SMYD3: variants seen among roughly 807,000 people sequenced by gnomAD.
SMYD3 encodes SET and MYND domain containing 3.
Under a neutral mutation model 57.7 loss-of-function variants are expected in SMYD3, and 36 were observed. The ratio of observed to expected loss-of-function variants is 0.62; its 90% CI spans 0.48 to 0.82. SMYD3 has a LOEUF of 0.82. Ranked by LOEUF, SMYD3 falls within the 40% of genes least tolerant of loss-of-function variation. SMYD3 has a pLI of 0.00. For synonymous variants in SMYD3, 211 were observed against 195.0 expected (o/e 1.08, Z -0.68); for missense variants, 515 against 538.8 (o/e 0.96, Z 0.44).
chr1:246,335,468 CT>C lies in SMYD3; in HGVS notation c.234del (p.Ala79LeufsTer58). 1 of 1,614,020 alleles carries C rather than the reference CT, an allele frequency of 6.2e-7. No homozygotes were observed. The highest frequency in any genetic ancestry group is 1.1e-5 in the South Asian group (1 of 91,066). ...CATTCCCGCTTGTGGTCTGGCCAAG[CT>C]TTTTTCTATTAAAACAAGAGTGGGG... Reference protein sequence around the residue: ...AKYCSAKCQKKAWPDHKRECK... With the variant: ...AKYCSAKCQKXAWPDHKRECK... On this transcript the variant is annotated frameshift_variant, in exon 3 of 12. Coordinates refer to ENST00000490107, the MANE Select transcript of SMYD3 (RefSeq NM_001167740.2). LOFTEE classifies it high-confidence loss of function.
intron 8 of SMYD3, among the ~76,000 whole-genome samples, chr1:245,879,974 GTGCGTTGCTGT>G (rs2052689448): frequency 6.9e-6 from 1 of 144,270 alleles, no homozygotes; most frequent in African/African-American, 2.6e-5. Context: ...GATAGCACAG[GTGCGTTGCTGT>G]ACACACCAGA....
intron 5 of SMYD3, among the ~76,000 whole-genome samples, chr1:246,109,179 C>A (rs958101451): frequency 6.9e-6 from 1 of 144,070 alleles, no homozygotes; most frequent in Non-Finnish European, 1.5e-5. Flanking sequence ...GATGAATGAA[C>A]CACTCTAAAA....
intron 10 of SMYD3, among the ~76,000 whole-genome samples, chr1:245,806,883 A>C (rs531978748): frequency 3.0e-5 from 4 of 135,352 alleles, no homozygotes; most frequent in Admixed American, 8.3e-5. Context: ...GCAGTCCGCA[A>C]TCCGGCCTGG....
intron 7 of SMYD3, among the ~76,000 whole-genome samples, chr1:245,924,766 G>C (rs913058819): frequency 2.7e-5 from 4 of 149,610 alleles, no homozygotes; most frequent in Non-Finnish European, 4.4e-5. Context: ...GGGTTTAAGC[G>C]ATTCTCCTGC....
intron 5 of SMYD3, among the ~76,000 whole-genome samples, chr1:246,139,761 T>G (rs2061722489): frequency 6.6e-6 from 1 of 152,240 alleles, no homozygotes; most frequent in Non-Finnish European, 1.5e-5. Flanking sequence ...AATTTTGTTT[T>G]GTTCAAGCTA....
chr1:246,417,433 G>C (rs77749019), intron 1 of SMYD3: 4,349 of 152,232 alleles, frequency 0.029, 102 homozygotes, highest in Non-Finnish European at 0.043. Context: ...TGGAGCCCAG[G>C]GTTTTTAAGG....
intron 5 of SMYD3, among the ~76,000 whole-genome samples, chr1:246,230,001 GCAGGTGGACC>G (rs1395625778): frequency 6.6e-6 from 1 of 152,140 alleles, no homozygotes; most frequent in Non-Finnish European, 1.5e-5. Flanking sequence ...CAAGTGTTAA[GCAGGTGGACC>G]CCAAAAGTGA....
chr1:246,408,663 CTTTTTTTT>C (rs5782392), intron 1 of SMYD3, among the ~76,000 whole-genome samples: 2 of 65,520 alleles, frequency 3.1e-5, no homozygotes, highest in African/African-American at 5.7e-5. Flanking sequence ...AGAAGCAAGT[CTTTTTTTT>C]TTTTTTTTTT....
chr1:246,356,907 C>G (rs191874919), intron 1 of SMYD3, among the ~76,000 whole-genome samples: 18 of 152,274 alleles, frequency 1.2e-4, no homozygotes, highest in African/African-American at 4.1e-4. Flanking sequence ...TCTGACCTTG[C>G]TAGAGATCTA....
intron 3 of SMYD3, among the ~76,000 whole-genome samples, chr1:246,331,109 T>A (rs184561366): frequency 3.3e-5 from 5 of 152,202 alleles, no homozygotes; most frequent in Non-Finnish European, 5.9e-5. Context: ...TACTCCAGCC[T>A]GGGTAACAGA....
At chr1:246,389,845 T>G (rs57229473) in intron 1 of SMYD3, among the ~76,000 whole-genome samples, 16,545 of 150,244 alleles carry the variant, frequency 0.11, 1,033 homozygotes, top group African/African-American at 0.22. Context: ...CATTCATTCT[T>G]GAAAATCACC....
At chr1:245,824,281 C>T (rs11809775) in intron 10 of SMYD3, among the ~76,000 whole-genome samples, 4,110 of 152,308 alleles carry the variant, frequency 0.027, 167 homozygotes, top group African/African-American at 0.093. Flanking sequence ...GGAAGAGATG[C>T]TTTGTAGCTA....
intron 1 of SMYD3, among the ~76,000 whole-genome samples, chr1:246,474,169 T>C (rs2067996886): frequency 6.6e-6 from 1 of 152,230 alleles, no homozygotes; most frequent in African/African-American, 2.4e-5. Flanking sequence ...CTTTGAAGTC[T>C]GTAGTCTTAT....
intron 4 of SMYD3, among the ~76,000 whole-genome samples, chr1:246,328,997 A>T (rs997934561): frequency 1.3e-5 from 2 of 152,138 alleles, no homozygotes; most frequent in Non-Finnish European, 2.9e-5. Context: ...AATTTCATCC[A>T]TGTCCCTACA....
chr1:246,505,429 G>GAGCAGCAGCAGCAGCAGCAGC (rs111391483), intron 1 of SMYD3, among the ~76,000 whole-genome samples: 459 of 151,710 alleles, frequency 3.0e-3, no homozygotes, highest in African/African-American at 0.01. Context: ...GTTTCCCAAG[G>GAGCAGCAGCAGCAGCAGCAGC]AGCAGCAGCA....
intron 5 of SMYD3, among the ~76,000 whole-genome samples, chr1:246,245,054 A>G (rs1770003): frequency 0.42 from 63,010 of 150,884 alleles, 14,698 homozygotes; most frequent in East Asian, 0.79. Flanking sequence ...CATAAATTCC[A>G]CTACGGCTAA....
chr1:246,050,518 G>A (rs1280353008), intron 5 of SMYD3, among the ~76,000 whole-genome samples: 1 of 152,148 alleles, frequency 6.6e-6, no homozygotes, highest in Non-Finnish European at 1.5e-5. Context: ...TATAAATGAA[G>A]AAGAGGTTCT....
At chr1:246,073,848 A>G (rs1466530529) in intron 5 of SMYD3, among the ~76,000 whole-genome samples, 1 of 152,208 alleles carries the variant, frequency 6.6e-6, no homozygotes, top group East Asian at 1.9e-4. Context: ...ACTGGAAAGC[A>G]CAACGCCAGA....
At chr1:245,921,547 G>GTGTA (rs967793040) in intron 7 of SMYD3, among the ~76,000 whole-genome samples, 1 of 35,088 alleles carries the variant, frequency 2.8e-5, no homozygotes, top group Non-Finnish European at 8.8e-5. Flanking sequence ...AAAAAATGTG[G>GTGTA]TGTATATATA....
Sources: allele counts gnomAD v4.1 joint callset (sites outside exome capture counted in the v4.1 genomes callset), GRCh38; gene constraint gnomAD v4.1.1; transcripts MANE v1.5; gene names NCBI Gene and HGNC (gene_info 2026-07-23, HGNC 2026-07-21).